The following GPR137 variants were observed in gnomAD, a reference collection of about 807,000 sequenced individuals.
The protein encoded by GPR137 is integral membrane protein GPR137.
In GPR137, 20 loss-of-function variants were observed where a neutral mutation model predicts 38.9. That is an observed-to-expected ratio of 0.51 (90% CI 0.36 to 0.75). The LOEUF (loss-of-function observed/expected upper bound fraction) is 0.75, where lower values mean the gene tolerates loss of function less well. Ranked by LOEUF, GPR137 falls within the 30% of genes least tolerant of loss-of-function variation. The pLI is 0.00. For missense variants in GPR137, 456 were observed against 526.4 expected (o/e 0.87, Z 1.31); for synonymous variants, 226 against 235.8 (o/e 0.96, Z 0.38).
At chr11:64,272,729 T>G (rs1031237062), upstream of GPR137, 1 of 152,242 alleles carries the variant, frequency 6.6e-6, no homozygotes, top group Non-Finnish European at 1.5e-5. Context: ...CCAGTTTCTG[T>G]GAAGCTGTGG....
chr11:64,276,675 G>A, intron 2 of GPR137: 1 of 527,656 alleles, frequency 1.9e-6, no homozygotes, highest in African/African-American at 1.9e-5. Flanking sequence ...AAAACCCTGG[G>A]GGAGTGTCTG....
At position 64,288,284 on chromosome 11, in the gene GPR137, T is replaced by C; in HGVS notation, c.784-56T>C. On this transcript the variant is annotated intron_variant, in intron 4 of 6. Coordinates refer to ENST00000438980, the MANE Select transcript of GPR137 (RefSeq NM_001170880.2). This position sits in a 1 kb window ranked among gnomAD's most constrained non-coding sequence, Gnocchi z 5.5. Reference sequence around the variant, plus strand: ...TTGGCCCCAGCTGGCCTGGGCCCTGTCCCACTACCCCTTTGGCGTGACTGC... The same window carrying C: ...TTGGCCCCAGCTGGCCTGGGCCCTGCCCCACTACCCCTTTGGCGTGACTGC... The C allele has an allele frequency of 6.2e-7, 1 of 1,611,900 alleles. No individual in the cohort carries two copies. Among genetic ancestry groups the C allele is most frequent in the Non-Finnish European group, 8.5e-7 (1 of 1,179,160 alleles).
intron 2 of GPR137, among the ~76,000 whole-genome samples, chr11:64,276,574 G>A (rs2033081960): frequency 6.6e-6 from 1 of 152,190 alleles, no homozygotes. Context: ...CAATCCAAGT[G>A]CCTCGGCCCC....
At chr11:64,287,075 G>T in intron 2 of GPR137, 61 bp downstream of exon 2, 1 of 1,578,128 alleles carries the variant, frequency 6.3e-7, no homozygotes, top group Non-Finnish European at 8.6e-7. Context: ...ACAGTCCCAT[G>T]TAGATCCCTT....
chr11:64,284,218 G>A, upstream of GPR137: 1 of 1,605,048 alleles, frequency 6.2e-7, no homozygotes, highest in South Asian at 1.1e-5. Flanking sequence ...TGCTCCTGCT[G>A]GTGACTGGCG....
rs756692610 is a variant in GPR137, at chr11:64,286,978, C to G, written c.371C>G (p.Ala124Gly). Residue 124 changes from alanine (A) to glycine (G), a missense_variant, in exon 2 of 7, where the codon GCC (alanine) becomes GGC (glycine). Physicochemically the swap from Ala to Gly is moderately conservative, Grantham distance 60. Transcript: ENST00000438980. ...CTCTGCTCCTAGGTGGTGTTCAAGG[C>G]CAAGGTGAAGCGTCGGCCGGAGATG... ...NLYFAQVVFKAKVKRRPEMSR... is the reference protein window; with the variant it reads ...NLYFAQVVFKGKVKRRPEMSR... The G allele has an allele frequency of 1.9e-6, 3 of 1,613,908 alleles. No homozygotes were observed. Among genetic ancestry groups the G allele is most frequent in the Admixed American group, 3.3e-5 (2 of 60,008 alleles).
chr11:64,274,484 C>T (rs773506851), upstream of GPR137, among the ~76,000 whole-genome samples: 1 of 151,602 alleles, frequency 6.6e-6, no homozygotes, highest in Non-Finnish European at 1.5e-5. Context: ...GCCAGGAGTT[C>T]GAGATCAGCC....
upstream of GPR137, chr11:64,275,550 A>C (rs897194084): frequency 6.6e-6 from 1 of 152,246 alleles, no homozygotes; most frequent in Non-Finnish European, 1.5e-5. Flanking sequence ...GAGGCCTCTG[A>C]GAGTCCCAGC....
At chr11:64,277,658 C>T (rs903463702) in intron 2 of GPR137, among the ~76,000 whole-genome samples, 2 of 152,120 alleles carry the variant, frequency 1.3e-5, no homozygotes, top group East Asian at 1.9e-4. Flanking sequence ...AGGCTGGTCT[C>T]GAACTCCTGA....
At position 64,289,420 on chromosome 11, in the gene GPR137, C is replaced by T; in HGVS notation, c.*224C>T. On this transcript the variant is annotated 3_prime_UTR_variant, in exon 7 of 7. Coordinates refer to ENST00000438980, the MANE Select transcript of GPR137 (RefSeq NM_001170880.2). ...GCCCACAGCACCCTGGCATGACCTG[C>T]CACCTCTGCTTCCACACCGGAGCCA... is the stretch of plus-strand genomic sequence containing the variant. The T allele has an allele frequency of 6.5e-7, 1 of 1,527,334 alleles. No homozygotes were observed. The highest frequency in any genetic ancestry group is 8.8e-7 in the Non-Finnish European group (1 of 1,140,176). The allele number at this position is 1,527,334 out of a possible 1,614,324, so 94.6% of individuals were successfully genotyped here.
upstream of GPR137, chr11:64,284,929 C>G (rs1486125513): frequency 7.1e-7 from 1 of 1,408,714 alleles, no homozygotes; most frequent in Non-Finnish European, 9.2e-7. Context: ...TCTGGGGTCC[C>G]CATTTGGAAC....
In GPR137 at chr11:64,288,643, G is replaced by A. The variant is rs761827195; in HGVS notation, c.953G>A (p.Arg318Gln). The part of the protein sequence containing the change: ...HILNGQVFAS[R>Q]SYFFDRAGHC... The stretch of plus-strand genomic sequence containing the variant: ...CTCAATGGGCAGGTCTTTGCCTCTC[G>A]GTCCTACTTCTTTGACCGGGCTGGG... The change falls in exon 6 of 7, where the codon CGG becomes CAG. Residue 318 changes from arginine (R) to glutamine (Q), a missense_variant. Transcript: ENST00000438980. The surrounding 1 kb of genome is among the most constrained non-coding windows in gnomAD (Gnocchi z 5.5). The A allele has an allele frequency of 3.7e-6, 6 of 1,610,346 alleles. No individual in the cohort carries two copies. Among genetic ancestry groups the A allele is most frequent in the East Asian group, 2.2e-5 (1 of 44,806 alleles).
In GPR137 at chr11:64,289,212, C is replaced by A. The variant is rs746374868; in HGVS notation, c.*16C>A. 47 of 1,610,772 alleles carry A rather than the reference C, an allele frequency of 2.9e-5. No homozygotes were observed. The highest frequency in any genetic ancestry group is 1.6e-4 in the South Asian group (15 of 91,020). On this transcript the variant is annotated 3_prime_UTR_variant, in exon 7 of 7. Transcript: ENST00000438980. ...ACAGACGTGATCCCCCTCCCTCCCC[C>A]ACAGAATACCCAGGCCCCAGTCCCC...
chr11:64,288,281 C>G lies in GPR137; in HGVS notation c.784-59C>G, dbSNP rs1012671746. On this transcript the variant is annotated intron_variant, in intron 4 of 6. Transcript: ENST00000438980. The surrounding 1 kb of genome is among the most constrained non-coding windows in gnomAD (Gnocchi z 5.5). Reference sequence around the variant, plus strand: ...ACCTTGGCCCCAGCTGGCCTGGGCCCTGTCCCACTACCCCTTTGGCGTGAC... The same window carrying G: ...ACCTTGGCCCCAGCTGGCCTGGGCCGTGTCCCACTACCCCTTTGGCGTGAC... The G allele has an allele frequency of 1.9e-6, 3 of 1,611,752 alleles. No homozygotes were observed. The highest frequency in any genetic ancestry group is 2.5e-6 in the Non-Finnish European group (3 of 1,179,090).
chr11:64,277,789 T>C (rs1591159335), intron 2 of GPR137, among the ~76,000 whole-genome samples: 1 of 152,280 alleles, frequency 6.6e-6, no homozygotes, highest in South Asian at 2.1e-4. Context: ...AAATGTTTTC[T>C]ATAAAGGGGG....
At position 64,288,961 on chromosome 11, in the gene GPR137, C is replaced by T. The variant is rs891213006; in HGVS notation, c.1032-76C>T. ...TAGGTCACAGGGGTTCTGTTCTAAGCCTGTCTTCCTCCTGCAGCTCTTGTG... is the reference window on the plus strand; with the variant it reads ...TAGGTCACAGGGGTTCTGTTCTAAGTCTGTCTTCCTCCTGCAGCTCTTGTG... On this transcript the variant is annotated intron_variant, in intron 6 of 6. Coordinates refer to ENST00000438980, the MANE Select transcript of GPR137 (RefSeq NM_001170880.2). This position sits in a 1 kb window ranked among gnomAD's most constrained non-coding sequence, Gnocchi z 5.5. 4.5e-5 allele frequency: 66 copies of T among 1,462,530 alleles called. No individual in the cohort carries two copies. The highest frequency in any genetic ancestry group is 5.9e-5 in the Non-Finnish European group (65 of 1,109,884). 90.6% of individuals were successfully genotyped at this position (1,462,530 alleles called of 1,614,324 possible). A position where few individuals can be genotyped will look rare whatever the true frequency, so the allele number is the denominator to read the frequency against.
chr11:64,288,111 T>C lies in GPR137; in HGVS notation c.680T>C (p.Leu227Pro), dbSNP rs1332568422. Reference protein sequence around the residue: ...QAAAMGGAMVLLYASRACYNL... With the variant: ...QAAAMGGAMVPLYASRACYNL... The stretch of plus-strand genomic sequence containing the variant: ...GCCGCGATGGGTGGCGCCATGGTCC[T>C]GCTCTATGCCAGCCGGGCCTGCTAC... The change falls in exon 4 of 7, where the codon CTG becomes CCG. Residue 227 changes from leucine to proline, a missense_variant. Leu to Pro is a moderately conservative substitution (Grantham distance 98). Coordinates refer to ENST00000438980, the MANE Select transcript of GPR137 (RefSeq NM_001170880.2). The surrounding 1 kb of genome is among the most constrained non-coding windows in gnomAD (Gnocchi z 5.5). The C allele has an allele frequency of 6.2e-7, 1 of 1,612,436 alleles. No homozygotes were observed. Among genetic ancestry groups the C allele is most frequent in the Non-Finnish European group, 8.5e-7 (1 of 1,179,976 alleles).
chr11:64,284,036 T>C (rs1160471521), upstream of GPR137: 2 of 922,956 alleles, frequency 2.2e-6, no homozygotes. Context: ...GGTTATTAAT[T>C]GCTGTTTTAC....
upstream of GPR137, among the ~76,000 whole-genome samples, chr11:64,282,160 C>T (rs571229738): frequency 7.2e-5 from 11 of 152,340 alleles, no homozygotes; most frequent in East Asian, 2.1e-3. Context: ...CTTGGGTTCA[C>T]CGAGGCCCCC....
Sources: allele counts gnomAD v4.1 joint callset (sites outside exome capture counted in the v4.1 genomes callset), GRCh38; gene constraint gnomAD v4.1.1; non-coding constraint Gnocchi (gnomAD v3.1); transcripts MANE v1.5; gene names NCBI Gene and HGNC (gene_info 2026-07-23, HGNC 2026-07-21).